The following GABRB1 variants were observed in gnomAD, a reference collection of about 807,000 sequenced individuals.
GABRB1 encodes gamma-aminobutyric acid type A receptor subunit beta1.
A neutral mutation model predicts 51.6 loss-of-function variants in GABRB1; 17 were observed. The observed-to-expected ratio is 0.33, with a 90% CI of 0.23 to 0.49. The LOEUF is 0.49. Among genes scored for constraint, GABRB1 ranks in the 20% least tolerant of loss-of-function variants. The probability of loss-of-function intolerance (pLI) is 0.99; values close to 1 mark genes in which losing one functional copy is unlikely to be tolerated. For synonymous variants in GABRB1, 247 were observed against 218.9 expected (o/e 1.13, Z -1.14); for missense variants, 410 against 600.6 (o/e 0.68, Z 3.32).
At chr4:47,245,203 G>C (rs1721695862) in intron 4 of GABRB1, among the ~76,000 whole-genome samples, 1 of 152,140 alleles carries the variant, frequency 6.6e-6, no homozygotes, top group African/African-American at 2.4e-5. Flanking sequence ...TACCATCAGA[G>C]AATACTATAA....
chr4:46,997,662 A>G (rs1724044340), intron 1 of GABRB1, among the ~76,000 whole-genome samples: 1 of 152,006 alleles, frequency 6.6e-6, no homozygotes, highest in African/African-American at 2.4e-5. Context: ...AGGTTCATCC[A>G]TGTTGTTGCA....
At chr4:47,408,697 G>A (rs1291750094) in intron 8 of GABRB1, among the ~76,000 whole-genome samples, 3 of 152,178 alleles carry the variant, frequency 2.0e-5, no homozygotes, top group African/African-American at 7.2e-5. Context: ...TACCTGAAAA[G>A]AAGCAACTTC....
chr4:47,417,513 G>T (rs1055301301), intron 8 of GABRB1, among the ~76,000 whole-genome samples: 1 of 151,768 alleles, frequency 6.6e-6, no homozygotes, highest in Non-Finnish European at 1.5e-5. Flanking sequence ...GCCCTGGTGA[G>T]CGCAAATGAC....
chr4:47,104,715 A>G (rs998055635), intron 3 of GABRB1, among the ~76,000 whole-genome samples: 2 of 151,924 alleles, frequency 1.3e-5, no homozygotes, highest in African/African-American at 2.4e-5. Flanking sequence ...CACATTTACT[A>G]ATTGTTTCAG....
intron 5 of GABRB1, among the ~76,000 whole-genome samples, chr4:47,367,740 A>C (rs10938482): frequency 0.53 from 80,459 of 151,972 alleles, 21,804 homozygotes; most frequent in African/African-American, 0.59. Context: ...TTGCTAGAAC[A>C]AATAAACCCC....
At chr4:47,342,215 C>T (rs1426438162) in intron 5 of GABRB1, among the ~76,000 whole-genome samples, 1 of 152,030 alleles carries the variant, frequency 6.6e-6, no homozygotes, top group Admixed American at 6.6e-5. Context: ...GTTTTAAACA[C>T]ATCTTTTTGC....
At chr4:47,309,858 A>G (rs1252839874) in intron 4 of GABRB1, among the ~76,000 whole-genome samples, 5 of 152,122 alleles carry the variant, frequency 3.3e-5, no homozygotes, top group African/African-American at 1.2e-4. Context: ...CTGATAATGT[A>G]TTTGTAATAG....
chr4:47,041,063 A>C (rs1355128869), intron 3 of GABRB1, among the ~76,000 whole-genome samples: 1 of 152,126 alleles, frequency 6.6e-6, no homozygotes, highest in African/African-American at 2.4e-5. Context: ...TTGTGTTTCC[A>C]TGTGAGATTG....
intron 3 of GABRB1, among the ~76,000 whole-genome samples, chr4:47,048,951 C>T (rs781550949): frequency 1.3e-5 from 2 of 151,940 alleles, no homozygotes; most frequent in African/African-American, 2.4e-5. Flanking sequence ...GAATTTCAGG[C>T]CTCAAAACAA....
intron 3 of GABRB1, among the ~76,000 whole-genome samples, chr4:47,156,751 C>T (rs1717724529): frequency 1.3e-5 from 2 of 151,884 alleles, no homozygotes; most frequent in Non-Finnish European, 2.9e-5. Flanking sequence ...GGGCAGATCA[C>T]CTGAGGTCAG....
At chr4:47,262,528 A>C (rs915488770) in intron 4 of GABRB1, among the ~76,000 whole-genome samples, 2 of 152,184 alleles carry the variant, frequency 1.3e-5, no homozygotes, top group South Asian at 2.1e-4. Context: ...GGCGATCATT[A>C]AAAAGTCAGG....
intron 4 of GABRB1, among the ~76,000 whole-genome samples, chr4:47,242,863 T>G (rs1180962983): frequency 6.6e-6 from 1 of 152,250 alleles, no homozygotes; most frequent in Non-Finnish European, 1.5e-5. Context: ...GGTAGTTTCT[T>G]TTGCTGTGCA....
At chr4:47,239,776 G>A (rs1268710373) in intron 4 of GABRB1, among the ~76,000 whole-genome samples, 1 of 152,122 alleles carries the variant, frequency 6.6e-6, no homozygotes, top group East Asian at 1.9e-4. Flanking sequence ...CTTTCCTAGC[G>A]ATCTGCAGAG....
At chr4:47,406,613 T>C (rs1020859953) in intron 7 of GABRB1, 69 bp from the exon 8 acceptor site, 105 of 1,592,506 alleles carry the variant, frequency 6.6e-5, no homozygotes, top group Non-Finnish European at 8.1e-5. Flanking sequence ...ATGGCATCTG[T>C]CCTCTCAATC....
At position 47,054,588 on chromosome 4, in the gene GABRB1, AT is replaced by A. The variant is rs398107275; in HGVS notation, c.240+22115del. 8.7e-3 allele frequency among the ~76,000 whole-genome samples: 1,295 copies of A among 149,094 alleles called. 15 individuals are homozygous for A. The highest frequency in any genetic ancestry group is 0.029 in the African/African-American group (1,169 of 40,658). On this transcript the variant is annotated intron_variant, in intron 3 of 8. Transcript: ENST00000295454. ...CTATTATTATTACTTTATGGGCAACATTTTTTTTTTTGAGATGGAGTCTTGC... is the reference window on the plus strand; with the variant it reads ...CTATTATTATTACTTTATGGGCAACATTTTTTTTTTGAGATGGAGTCTTGC...
chr4:47,394,992 G>A (rs893663388), intron 5 of GABRB1, among the ~76,000 whole-genome samples: 1 of 152,116 alleles, frequency 6.6e-6, no homozygotes, highest in Admixed American at 6.6e-5. Context: ...ATAGAAGCTG[G>A]TCTCAGCTGC....
chr4:47,094,280 C>T (rs1458983546), intron 3 of GABRB1, among the ~76,000 whole-genome samples: 3 of 141,094 alleles, frequency 2.1e-5, no homozygotes, highest in Non-Finnish European at 4.5e-5. Context: ...GGCTGGAGTG[C>T]AGTGGCGTGA....
At chr4:47,004,715 A>C (rs1466311081) in intron 1 of GABRB1, among the ~76,000 whole-genome samples, 1 of 151,578 alleles carries the variant, frequency 6.6e-6, no homozygotes. Context: ...ACAAACAAAA[A>C]ACAGATGACA....
chr4:47,389,679 A>G (rs1028822021), intron 5 of GABRB1, among the ~76,000 whole-genome samples: 3 of 152,230 alleles, frequency 2.0e-5, no homozygotes, highest in Admixed American at 2.0e-4. Context: ...AACCCAAAGT[A>G]GCCTTTTGAA....
Sources: allele counts gnomAD v4.1 joint callset (sites outside exome capture counted in the v4.1 genomes callset), GRCh38; gene constraint gnomAD v4.1.1; transcripts MANE v1.5; gene names NCBI Gene and HGNC (gene_info 2026-07-23, HGNC 2026-07-21).